SLIT2: variants seen among roughly 807,000 people sequenced by gnomAD.
SLIT2 encodes the protein slit homolog 2 protein.
SLIT2 carries 41 observed loss-of-function variants against 185.7 expected under a neutral mutation model. The observed-to-expected ratio is 0.22, with a 90% CI of 0.17 to 0.29. The LOEUF (loss-of-function observed/expected upper bound fraction) is 0.29. SLIT2 is among the 10% of genes least tolerant of loss of function. SLIT2 has a pLI of 1.00. For synonymous variants in SLIT2, 693 were observed against 680.2 expected (o/e 1.02, Z -0.29); for missense variants, 1,571 against 1,909.0 (o/e 0.82, Z 3.30).
chr4:20,513,367 G>A (rs1719923011), intron 11 of SLIT2, among the ~76,000 whole-genome samples: 1 of 152,170 alleles, frequency 6.6e-6, no homozygotes, highest in African/African-American at 2.4e-5. Context: ...GAAAGCCCAC[G>A]TGTTATAACA....
In SLIT2 at chr4:20,439,078, A is replaced by C. The variant is rs79156240; in HGVS notation, c.396-28674A>C. 3.1e-3 allele frequency among the ~76,000 whole-genome samples: 478 copies of C among 152,370 alleles called. 1 individual carries two copies. Among genetic ancestry groups the C allele is most frequent in the Non-Finnish European group, 6.2e-3 (420 of 68,038 alleles). On this transcript the variant is annotated intron_variant, in intron 4 of 36. Coordinates refer to ENST00000504154, the MANE Select transcript of SLIT2 (RefSeq NM_004787.4). ...CCCAAAAAATAGAGCAGGGCGTTGC[A>C]CATGAAATGTACTTAATAAATATTT...
At chr4:20,464,929 G>T (rs73252418) in intron 4 of SLIT2, among the ~76,000 whole-genome samples, 2 of 151,736 alleles carry the variant, frequency 1.3e-5, no homozygotes, top group African/African-American at 4.8e-5. Flanking sequence ...CAGGAAATTG[G>T]CCTTACCCAA....
chr4:20,450,610 G>A (rs1487644503), intron 4 of SLIT2, among the ~76,000 whole-genome samples: 1 of 152,118 alleles, frequency 6.6e-6, no homozygotes, highest in Non-Finnish European at 1.5e-5. Context: ...TTCTGATGAA[G>A]GAAAACTTCA....
chr4:20,469,890 G>A (rs1175028647), intron 5 of SLIT2, among the ~76,000 whole-genome samples: 2 of 151,380 alleles, frequency 1.3e-5, no homozygotes, highest in East Asian at 1.9e-4. Context: ...TGAGGACCTG[G>A]GATTATAGGC....
In SLIT2 at chr4:20,542,581, G is replaced by A; in HGVS notation, c.2231G>A (p.Gly744Asp). The A allele has an allele frequency of 6.2e-7, 1 of 1,613,902 alleles. No individual in the cohort carries two copies. Among genetic ancestry groups the A allele is most frequent in the Non-Finnish European group, 8.5e-7 (1 of 1,179,846 alleles). The change falls in exon 21 of 37, where the codon GGT becomes GAT. Residue 744 changes from glycine to aspartate, a missense_variant. By Grantham distance (94) the Gly-to-Asp change is moderately conservative. Coordinates refer to ENST00000504154, the MANE Select transcript of SLIT2 (RefSeq NM_004787.4). ...ACAGTCGTCCGATGTAGCAACAAGG[G>A]TTTGAAGGTCTTGCCGAAAGGTATT... is the stretch of plus-strand genomic sequence containing the variant. ...LDTVVRCSNKGLKVLPKGIPR... is the reference protein window; with the variant it reads ...LDTVVRCSNKDLKVLPKGIPR...
In SLIT2 at chr4:20,366,457, A is replaced by G. The variant is rs182676429; in HGVS notation, c.395+97576A>G. ...CTACCATGGAGGAGAATAGAATAGT[A>G]AGATTGGCTATGAATAGGTCCATTC... is the stretch of plus-strand genomic sequence containing the variant. On this transcript the variant is annotated intron_variant, in intron 4 of 36. Coordinates refer to ENST00000504154, the MANE Select transcript of SLIT2 (RefSeq NM_004787.4). 6.8e-4 allele frequency among the ~76,000 whole-genome samples: 103 copies of G among 152,268 alleles called. 1 individual carries two copies. Among genetic ancestry groups the G allele is most frequent in the Non-Finnish European group, 1.3e-3 (90 of 68,008 alleles).
At chr4:20,370,459 A>T (rs1352305545) in intron 4 of SLIT2, among the ~76,000 whole-genome samples, 1 of 152,094 alleles carries the variant, frequency 6.6e-6, no homozygotes, top group Non-Finnish European at 1.5e-5. Flanking sequence ...CTATGCACTC[A>T]TGATGCACAC....
At chr4:20,587,315 G>A (rs1727145872) in intron 29 of SLIT2, among the ~76,000 whole-genome samples, 1 of 152,050 alleles carries the variant, frequency 6.6e-6, no homozygotes, top group Non-Finnish European at 1.5e-5. Flanking sequence ...ACCATGCCTG[G>A]CCAAAAATCA....
At chr4:20,400,897 G>T (rs1160567490) in intron 4 of SLIT2, among the ~76,000 whole-genome samples, 1 of 151,756 alleles carries the variant, frequency 6.6e-6, no homozygotes, top group Non-Finnish European at 1.5e-5. Context: ...CTCAAGGGTG[G>T]TATCCATAAA....
chr4:20,342,037 T>C (rs1721001079), intron 4 of SLIT2, among the ~76,000 whole-genome samples: 1 of 152,182 alleles, frequency 6.6e-6, no homozygotes, highest in South Asian at 2.1e-4. Flanking sequence ...TCATTGAACA[T>C]ATTTTGTGTT....
chr4:20,389,168 T>G (rs1415296226), intron 4 of SLIT2, among the ~76,000 whole-genome samples: 1 of 151,450 alleles, frequency 6.6e-6, no homozygotes, highest in Non-Finnish European at 1.5e-5. Context: ...TCTTTCAGTT[T>G]ATAACTGTAA....
chr4:20,433,807 A>G (rs1729153097), intron 4 of SLIT2, among the ~76,000 whole-genome samples: 1 of 152,132 alleles, frequency 6.6e-6, no homozygotes, highest in South Asian at 2.1e-4. Context: ...TCTATATACT[A>G]TGGTGGATTT....
rs1327409255 is a variant in SLIT2, at chr4:20,252,767, C to G, written c.-1049C>G. ...GGAGTAGTGGATCCCACCCGCCCAC[C>G]TGCCACCGAGCCATTCTCCAGTACG... On this transcript the variant is annotated 5_prime_UTR_variant, in exon 1 of 37. Coordinates refer to ENST00000504154, the MANE Select transcript of SLIT2 (RefSeq NM_004787.4). Among the ~76,000 whole-genome samples the G allele has an allele frequency of 6.6e-6, 1 of 152,218 alleles. No individual in the cohort carries two copies. Among genetic ancestry groups the G allele is most frequent in the Non-Finnish European group, 1.5e-5 (1 of 68,042 alleles).
intron 4 of SLIT2, among the ~76,000 whole-genome samples, chr4:20,269,868 AATAGCCAGG>A (rs1383335801): frequency 6.6e-6 from 1 of 151,788 alleles, no homozygotes; most frequent in Non-Finnish European, 1.5e-5. Context: ...CACCCCCAAG[AATAGCCAGG>A]ATCTTTGTTA....
chr4:20,466,773 G>A (rs866625403), intron 4 of SLIT2, among the ~76,000 whole-genome samples: 10 of 152,052 alleles, frequency 6.6e-5, no homozygotes, highest in Admixed American at 1.3e-4. Context: ...TAGTAGCTTC[G>A]TATTTCTTTG....
At chr4:20,568,775 A>C (rs1255283085) in intron 28 of SLIT2, 90 bp from the exon 29 acceptor site, 19 of 1,115,692 alleles carry the variant, frequency 1.7e-5, no homozygotes, top group Non-Finnish European at 2.5e-5. Flanking sequence ...ATGGTTGATG[A>C]GTGTAATTAT....
chr4:20,376,096 G>A (rs114719052), intron 4 of SLIT2, among the ~76,000 whole-genome samples: 202 of 135,096 alleles, frequency 1.5e-3, no homozygotes, highest in African/African-American at 5.2e-3. Context: ...AAAACAATGA[G>A]AAGAATATCA....
At chr4:20,305,985 G>T (rs1717509914) in intron 4 of SLIT2, among the ~76,000 whole-genome samples, 1 of 151,634 alleles carries the variant, frequency 6.6e-6, no homozygotes, top group African/African-American at 2.4e-5. Context: ...TTTCAAAGCT[G>T]TAAGTTACTC....
In SLIT2 at chr4:20,470,430, G is replaced by GA. The variant is rs1393386889; in HGVS notation, c.467+2609dup. On this transcript the variant is annotated intron_variant, in intron 5 of 36. Coordinates refer to ENST00000504154, the MANE Select transcript of SLIT2 (RefSeq NM_004787.4). Reference sequence around the variant, plus strand: ...CTGAGGAAACAGAAAAGTATCGCTTGAAGTTATCAGGGAATGGTTAGATTG... The same window carrying GA: ...CTGAGGAAACAGAAAAGTATCGCTTGAAAGTTATCAGGGAATGGTTAGATTG... 2.6e-5 allele frequency among the ~76,000 whole-genome samples: 4 copies of GA among 151,224 alleles called. 1 individual carries two copies. The highest frequency in any genetic ancestry group is 1.3e-4 in the Admixed American group (2 of 15,152).
Sources: gnomAD v4.1 joint callset for allele counts (sites outside exome capture counted in the v4.1 genomes callset) on GRCh38, gnomAD v4.1.1 for gene constraint, MANE v1.5 for transcripts, NCBI Gene and HGNC (gene_info 2026-07-23, HGNC 2026-07-21) for gene names.